Variants in CTNNA3 observed in about 807,000 individuals in gnomAD.
The protein encoded by CTNNA3 is catenin alpha 3.
A neutral mutation model predicts 95.7 loss-of-function variants in CTNNA3; 76 were observed. That is an observed-to-expected ratio of 0.79 (90% CI 0.66 to 0.96). The LOEUF is 0.96. CTNNA3 is among the 40% of genes least tolerant of loss of function. CTNNA3 has a pLI of 0.00. For missense variants in CTNNA3, 1,191 were observed against 1,089.8 expected (o/e 1.09, Z -1.31); for synonymous variants, 431 against 374.4 (o/e 1.15, Z -1.74).
chr10:66,654,155 C>T (rs1268195226), intron 9 of CTNNA3, among the ~76,000 whole-genome samples: 1 of 151,870 alleles, frequency 6.6e-6, no homozygotes, highest in African/African-American at 2.4e-5. Flanking sequence ...AAATAATTAA[C>T]AGAGTGAAGA....
At chr10:66,886,410 A>C (rs1264378989) in intron 7 of CTNNA3, among the ~76,000 whole-genome samples, 1 of 152,044 alleles carries the variant, frequency 6.6e-6, no homozygotes, top group Non-Finnish European at 1.5e-5. Context: ...CTCCAATCCC[A>C]ATGTCTGCCT....
At chr10:66,768,843 A>T (rs1589233881) in intron 8 of CTNNA3, among the ~76,000 whole-genome samples, 1 of 152,262 alleles carries the variant, frequency 6.6e-6, no homozygotes, top group East Asian at 1.9e-4. Flanking sequence ...AAGGAATGAG[A>T]CTTGTCCCTT....
At chr10:67,455,298 T>C (rs545444940) in intron 5 of CTNNA3, among the ~76,000 whole-genome samples, 34 of 151,968 alleles carry the variant, frequency 2.2e-4, no homozygotes, top group Admixed American at 2.0e-3. Context: ...AAGGAAAAAA[T>C]AGAACTGTGC....
chr10:66,532,562 A>C (rs1297367247), intron 10 of CTNNA3, among the ~76,000 whole-genome samples: 1 of 152,176 alleles, frequency 6.6e-6, no homozygotes, highest in Non-Finnish European at 1.5e-5. Flanking sequence ...TTTAGCACTA[A>C]GAAGAGTTCA....
chr10:66,865,366 T>A (rs1005661648), intron 7 of CTNNA3, among the ~76,000 whole-genome samples: 1 of 151,976 alleles, frequency 6.6e-6, no homozygotes, highest in African/African-American at 2.4e-5. Flanking sequence ...TAAAAAGACA[T>A]AAATATAAAG....
At chr10:67,188,274 T>C (rs80236440) in intron 6 of CTNNA3, among the ~76,000 whole-genome samples, 8,671 of 152,242 alleles carry the variant, frequency 0.057, 370 homozygotes, top group South Asian at 0.2. Context: ...GATGAGCCAA[T>C]TGCTTGAGCC....
intron 7 of CTNNA3, among the ~76,000 whole-genome samples, chr10:67,070,091 C>T (rs371492285): frequency 6.6e-6 from 1 of 152,080 alleles, no homozygotes; most frequent in Non-Finnish European, 1.5e-5. Context: ...TAGTCATTCT[C>T]GTCAGTGTGT....
chr10:66,372,092 G>A (rs1406366150), intron 12 of CTNNA3, among the ~76,000 whole-genome samples: 1 of 152,110 alleles, frequency 6.6e-6, no homozygotes, highest in Non-Finnish European at 1.5e-5. Flanking sequence ...CCTATATGAA[G>A]TGTCCCTTGC....
intron 17 of CTNNA3, among the ~76,000 whole-genome samples, chr10:65,953,350 T>C (rs2077658529): frequency 6.6e-6 from 1 of 152,058 alleles, no homozygotes; most frequent in Admixed American, 6.5e-5. Context: ...GTATTTTCCA[T>C]AGAAATTTTT....
At chr10:66,786,432 C>A (rs1049251287) in intron 7 of CTNNA3, among the ~76,000 whole-genome samples, 13 of 152,190 alleles carry the variant, frequency 8.5e-5, no homozygotes, top group Non-Finnish European at 1.5e-4. Flanking sequence ...CAATTAAGTT[C>A]TCTTTCAACT....
intron 7 of CTNNA3, among the ~76,000 whole-genome samples, chr10:66,827,993 C>A (rs1842576920): frequency 6.6e-6 from 1 of 152,072 alleles, no homozygotes; most frequent in Non-Finnish European, 1.5e-5. Context: ...TGTTTGAAGC[C>A]TGTCATCCTT....
chr10:66,339,717 ATCAGTTC>A (rs1318298969), intron 12 of CTNNA3, among the ~76,000 whole-genome samples: 1 of 151,786 alleles, frequency 6.6e-6, no homozygotes, highest in Non-Finnish European at 1.5e-5. Flanking sequence ...AATTTTAAAA[ATCAGTTC>A]TCAGAAGGGT....
chr10:66,580,430 A>T (rs2132193976), intron 10 of CTNNA3, among the ~76,000 whole-genome samples: 1 of 151,892 alleles, frequency 6.6e-6, no homozygotes, highest in South Asian at 2.1e-4. Context: ...GAACATTCCA[A>T]ATCTTCTCTT....
rs186525110 is a variant in CTNNA3, at chr10:66,434,219, A to G, written c.1532-54867T>C. On this transcript the variant is annotated intron_variant, in intron 11 of 17. Transcript: ENST00000433211. ...GCTTAATGGGAATAGCATTGAATCT[A>G]TAAATTACCCTGGGCAGTATGGCCA... Among the ~76,000 whole-genome samples, 745 of 152,176 alleles carry G rather than the reference A, an allele frequency of 4.9e-3. 6 individuals carry two copies. Among genetic ancestry groups the G allele is most frequent in the African/African-American group, 0.012 (497 of 41,526 alleles).
intron 9 of CTNNA3, among the ~76,000 whole-genome samples, chr10:66,686,435 C>T (rs934024888): frequency 6.6e-6 from 1 of 152,158 alleles, no homozygotes; most frequent in African/African-American, 2.4e-5. Flanking sequence ...TGCACCTCTG[C>T]CTGGGTGACA....
At chr10:66,028,897 G>A (rs958001373) in intron 15 of CTNNA3, among the ~76,000 whole-genome samples, 4 of 152,042 alleles carry the variant, frequency 2.6e-5, no homozygotes, top group Non-Finnish European at 2.9e-5. Flanking sequence ...GGTATAGGGT[G>A]CAGTGGGGAA....
At chr10:67,510,974 C>G (rs1486601673) in intron 5 of CTNNA3, among the ~76,000 whole-genome samples, 1 of 152,102 alleles carries the variant, frequency 6.6e-6, no homozygotes, top group Non-Finnish European at 1.5e-5. Flanking sequence ...GAAGTTCACT[C>G]ATGATTTGGG....
At chr10:67,622,014 C>T (rs745333223) in intron 2 of CTNNA3, among the ~76,000 whole-genome samples, 2 of 152,148 alleles carry the variant, frequency 1.3e-5, no homozygotes, top group Non-Finnish European at 2.9e-5. Flanking sequence ...TGGACCCATA[C>T]AGTAAAAGTT....
At chr10:66,272,539 C>T (rs1477173559) in intron 13 of CTNNA3, among the ~76,000 whole-genome samples, 3 of 151,930 alleles carry the variant, frequency 2.0e-5, no homozygotes, top group African/African-American at 4.8e-5. Flanking sequence ...TGCCAAGCAC[C>T]GGGAACTGTC....
Sources: allele counts gnomAD v4.1 joint callset (sites outside exome capture counted in the v4.1 genomes callset), GRCh38; gene constraint gnomAD v4.1.1; transcripts MANE v1.5; gene names NCBI Gene and HGNC (gene_info 2026-07-23, HGNC 2026-07-21).